The following ATG4C variants were observed in gnomAD, a reference collection of about 807,000 sequenced individuals.
The protein encoded by ATG4C is autophagy related 4C cysteine peptidase, also known as cysteine protease ATG4C.
A neutral mutation model predicts 57.6 loss-of-function variants in ATG4C; 56 were observed. That is an observed-to-expected ratio of 0.97 (90% confidence interval 0.78 to 1.21). ATG4C has a LOEUF of 1.21. Among genes scored for constraint, ATG4C ranks in the 50% most tolerant of loss-of-function variants. The probability of loss-of-function intolerance (pLI) is 0.00; values close to 1 mark genes in which losing one functional copy is unlikely to be tolerated. For synonymous variants in ATG4C, 157 were observed against 174.1 expected (o/e 0.90, Z 0.78); for missense variants, 595 against 529.8 (o/e 1.12, Z -1.21).
At chr1:62,818,910 A>G (rs565025444) in intron 4 of ATG4C, 95 bp from the exon 5 acceptor site, 26 of 1,000,948 alleles carry the variant, frequency 2.6e-5, no homozygotes, top group Non-Finnish European at 3.7e-5. Flanking sequence ...TGTCTTAGTA[A>G]CCCAAATGAC....
At chr1:62,825,427 C>T (rs1269673733) in intron 6 of ATG4C, among the ~76,000 whole-genome samples, 1 of 152,082 alleles carries the variant, frequency 6.6e-6, no homozygotes, top group Non-Finnish European at 1.5e-5. Flanking sequence ...CTGGACACTA[C>T]TCTGTAGATT....
chr1:62,794,213 A>G (rs1033409477), intron 1 of ATG4C, among the ~76,000 whole-genome samples: 2 of 152,186 alleles, frequency 1.3e-5, no homozygotes, highest in African/African-American at 4.8e-5. Context: ...CAGTCTGTGA[A>G]CATGTAATAT....
In ATG4C at chr1:62,861,565, T is replaced by C. The variant is rs1054037208; in HGVS notation, c.1210-2427T>C. On this transcript the variant is annotated intron_variant, in intron 10 of 10. Transcript: ENST00000317868. ...AGAGTATGTTTCAGAAGAAAGAAGCTTGGAAAATAGAACACACACACACAC... is the reference window on the plus strand; with the variant it reads ...AGAGTATGTTTCAGAAGAAAGAAGCCTGGAAAATAGAACACACACACACAC... 5.7e-5 allele frequency among the ~76,000 whole-genome samples: 8 copies of C among 140,034 alleles called. 1 individual carries two copies. Among genetic ancestry groups the C allele is most frequent in the South Asian group, 4.4e-4 (2 of 4,506 alleles). 91.9% of individuals were successfully genotyped at this position (140,034 alleles called of 152,430 possible).
intron 1 of ATG4C, among the ~76,000 whole-genome samples, chr1:62,801,881 C>T (rs1399458209): frequency 1.6e-5 from 2 of 127,800 alleles, no homozygotes; most frequent in African/African-American, 5.9e-5. Flanking sequence ...TGGCATGAAC[C>T]GGGGAGGCGG....
chr1:62,820,482 T>C (rs1665446393), intron 5 of ATG4C, among the ~76,000 whole-genome samples: 2 of 152,114 alleles, frequency 1.3e-5, no homozygotes, highest in African/African-American at 4.8e-5. Context: ...GCATTTTCAA[T>C]TAAATGATTA....
chr1:62,857,841 A>G (rs1399046720), intron 10 of ATG4C, among the ~76,000 whole-genome samples: 2 of 152,170 alleles, frequency 1.3e-5, no homozygotes, highest in Non-Finnish European at 2.9e-5. Context: ...GTTTGCAGTG[A>G]CAGTACCCAC....
At chr1:62,807,222 T>C (rs1183243662) in intron 3 of ATG4C, among the ~76,000 whole-genome samples, 1 of 152,176 alleles carries the variant, frequency 6.6e-6, no homozygotes, top group African/African-American at 2.4e-5. Flanking sequence ...ACTCTTATAA[T>C]ATCCTGAGCG....
intron 3 of ATG4C, among the ~76,000 whole-genome samples, chr1:62,815,788 G>A (rs371590877): frequency 1.1e-4 from 16 of 152,182 alleles, no homozygotes; most frequent in African/African-American, 3.9e-4. Context: ...GAGTTCAAAC[G>A]ATTCCCTTGC....
At chr1:62,849,273 G>T (rs1038834266) in intron 10 of ATG4C, among the ~76,000 whole-genome samples, 2 of 152,022 alleles carry the variant, frequency 1.3e-5, no homozygotes, top group African/African-American at 4.8e-5. Flanking sequence ...AAAATGAATT[G>T]TTTGGGAGGG....
At chr1:62,786,270 C>T (rs993296302) in intron 1 of ATG4C, among the ~76,000 whole-genome samples, 1 of 152,192 alleles carries the variant, frequency 6.6e-6, no homozygotes. Context: ...ACCAGACACT[C>T]TTCAAGGTGC....
At position 62,819,214 on chromosome 1, in the gene ATG4C, T is replaced by C. The variant is rs1330435504; in HGVS notation, c.604T>C (p.Ser202Pro). The change falls in exon 5 of 11, where the codon TCT becomes CCT. Residue 202 changes from serine to proline, a missense_variant. Ser to Pro is a moderately conservative substitution (Grantham distance 74, BLOSUM62 -1). Transcript: ENST00000317868. ...TGAAGTTTATCATAGGAAAATCATC[T>C]CTTGGTTTGGTGATTCCCCCTTGGC... is the stretch of plus-strand genomic sequence containing the variant. ...RNEVYHRKII[S>P]WFGDSPLALF... is the part of the protein sequence containing the mutation. 1.2e-6 allele frequency: 2 copies of C among 1,613,440 alleles called. No individual in the cohort carries two copies. The highest frequency in any genetic ancestry group is 3.3e-5 in the Admixed American group (2 of 59,930).
intron 9 of ATG4C, among the ~76,000 whole-genome samples, chr1:62,838,220 A>G (rs966313714): frequency 2.0e-5 from 3 of 152,160 alleles, no homozygotes; most frequent in African/African-American, 7.2e-5. Flanking sequence ...CTCTCTGGCC[A>G]GTATTTCCAG....
intron 1 of ATG4C, among the ~76,000 whole-genome samples, chr1:62,796,157 A>ATT (rs566391318): frequency 4.9e-5 from 5 of 101,428 alleles, no homozygotes; most frequent in African/African-American, 1.1e-4. Flanking sequence ...ATGCATTTTA[A>ATT]TTTTTTTTTT....
intron 6 of ATG4C, among the ~76,000 whole-genome samples, chr1:62,825,329 C>G (rs532815622): frequency 6.6e-6 from 1 of 152,060 alleles, no homozygotes; most frequent in Non-Finnish European, 1.5e-5. Context: ...AGTAACTTCT[C>G]AGTCCTCATA....
At chr1:62,792,887 T>TG (rs1469695869) in intron 1 of ATG4C, among the ~76,000 whole-genome samples, 1 of 97,652 alleles carries the variant, frequency 1.0e-5, no homozygotes, top group Non-Finnish European at 1.9e-5. Flanking sequence ...AGGGTGGTAG[T>TG]GATTTTTTTT....
chr1:62,801,542 G>T (rs1050036293), intron 1 of ATG4C, among the ~76,000 whole-genome samples: 1 of 152,204 alleles, frequency 6.6e-6, no homozygotes, highest in African/African-American at 2.4e-5. Context: ...GGAGACCAAG[G>T]TGGGTGGATC....
At chr1:62,814,644 G>T (rs1665203599) in intron 3 of ATG4C, among the ~76,000 whole-genome samples, 3 of 152,126 alleles carry the variant, frequency 2.0e-5, no homozygotes, top group South Asian at 4.1e-4. Flanking sequence ...AAGTTGCATG[G>T]TATATCTTTT....
chr1:62,834,255 C>A, intron 8 of ATG4C, 139 bp downstream of exon 8: 2 of 626,666 alleles, frequency 3.2e-6, no homozygotes, highest in South Asian at 2.6e-5. Context: ...TATAGCCACT[C>A]ATTTGTCATT....
chr1:62,840,751 C>T (rs1666141406), intron 9 of ATG4C, among the ~76,000 whole-genome samples: 2 of 152,140 alleles, frequency 1.3e-5, no homozygotes, highest in African/African-American at 2.4e-5. Flanking sequence ...ATATCTGTGG[C>T]ACTGTGTCTA....
Sources: allele counts gnomAD v4.1 joint callset (sites outside exome capture counted in the v4.1 genomes callset), GRCh38; gene constraint gnomAD v4.1.1; transcripts MANE v1.5; gene names NCBI Gene and HGNC (gene_info 2026-07-23, HGNC 2026-07-21).